Variants in MAP3K15 observed in about 807,000 individuals in gnomAD.
The protein encoded by MAP3K15 is MAPK/ERK kinase kinase 15.
A neutral mutation model predicts 99.5 loss-of-function variants in MAP3K15; 124 were observed. That is an observed-to-expected ratio of 1.25 (90% CI 1.08 to 1.45). The LOEUF (loss-of-function observed/expected upper bound fraction) is 1.45. Among genes scored for constraint, MAP3K15 ranks in the 40% most tolerant of loss-of-function variants. The pLI is 0.00. For missense variants in MAP3K15, 1,242 were observed against 1,079.7 expected (o/e 1.15, Z -2.11); for synonymous variants, 494 against 439.6 (o/e 1.12, Z -1.55).
chrX:19,485,704 T>C (rs1045661246), intron 3 of MAP3K15, among the ~76,000 whole-genome samples: 2 of 110,443 alleles, frequency 1.8e-5, no homozygotes, highest in African/African-American at 6.6e-5. Context: ...AGAGAGTCTG[T>C]AGGCCTGTTC....
In MAP3K15 at chrX:19,398,240, C is replaced by T. The variant is rs753527271; in HGVS notation, c.2052G>A (p.Pro684=). 7 of 1,211,149 alleles carry T rather than the reference C, an allele frequency of 5.8e-6. No homozygotes were observed. Among genetic ancestry groups the T allele is most frequent in the South Asian group, 3.5e-5 (2 of 56,925 alleles). ...CCTGGACTTGCCTGCTATCTCTCTC[C>T]GGGATTTCTTTGATGGCTATTCGCA... is the stretch of plus-strand genomic sequence containing the variant. The part of the protein sequence containing the change: ...NQVRIAIKEI[P]ERDSRYSQPL... The change falls in exon 15 of 29, where the codon CCG becomes CCA. Residue 684 remains proline (P), a synonymous_variant. Transcript: ENST00000338883.
chrX:19,392,202 A>C lies in MAP3K15; in HGVS notation c.2326-95T>G. 3 of 1,036,713 alleles carry C rather than the reference A, an allele frequency of 2.9e-6. No homozygotes were observed. In the South Asian group the frequency reaches 6.2e-5, roughly 22 times the overall value. The allele number at this position is 1,036,713 out of a possible 1,213,427, so 85.4% of individuals were successfully genotyped here. On this transcript the variant is annotated intron_variant, in intron 17 of 28. Transcript: ENST00000338883. ...CCTTGGGAAACCGTCACAAGTCTCT[A>C]GGAAAACTAGACTTTGCATTTTGGG...
intron 6 of MAP3K15, among the ~76,000 whole-genome samples, chrX:19,434,303 G>T (rs2063906271): frequency 9.2e-6 from 1 of 108,214 alleles, no homozygotes; most frequent in African/African-American, 3.4e-5. Context: ...TCAGCTCACT[G>T]CAACTCTGCC....
chrX:19,398,464 T>C, intron 14 of MAP3K15, 105 bp from the exon 15 acceptor site: 1 of 896,318 alleles, frequency 1.1e-6, no homozygotes, highest in South Asian at 2.4e-5. Context: ...ATAAATAACA[T>C]TATTTGACTG....
intron 28 of MAP3K15, 50 bp downstream of exon 28, chrX:19,361,289 C>T: frequency 9.9e-7 from 1 of 1,014,335 alleles, no homozygotes; most frequent in South Asian, 2.1e-5. Context: ...GAAGCATATT[C>T]ACACATAAAA....
At chrX:19,371,194 G>T in intron 23 of MAP3K15, 130 bp from the exon 24 acceptor site, 1 of 807,599 alleles carries the variant, frequency 1.2e-6, no homozygotes, top group Non-Finnish European at 1.8e-6. Flanking sequence ...AGTTCACCCA[G>T]ATGCCATTTC....
At chrX:19,384,024 A>G (rs776373049) in intron 18 of MAP3K15, among the ~76,000 whole-genome samples, 2 of 112,098 alleles carry the variant, frequency 1.8e-5, no homozygotes, top group Admixed American at 1.9e-4. Flanking sequence ...TATCAAAGAG[A>G]TATCTGCACC....
chrX:19,390,303 CTTTT>C (rs869140702), intron 18 of MAP3K15, among the ~76,000 whole-genome samples: 1,430 of 69,296 alleles, frequency 0.021, 33 homozygotes, highest in African/African-American at 0.094. Context: ...CTAATTTTTT[CTTTT>C]TTTTTTTTTT....
chrX:19,413,686 G>C (rs192292897), intron 10 of MAP3K15, among the ~76,000 whole-genome samples: 2 of 56,037 alleles, frequency 3.6e-5, no homozygotes, highest in Non-Finnish European at 6.0e-5. Flanking sequence ...TTGGGGGGGG[G>C]GGTGGGGAAG....
intron 25 of MAP3K15, among the ~76,000 whole-genome samples, chrX:19,366,009 A>AC (rs2063332159): frequency 1.1e-5 from 1 of 94,224 alleles, no homozygotes; most frequent in African/African-American, 5.1e-5. Context: ...TCCATCTCAA[A>AC]AAAAAAAAAA....
chrX:19,515,291 G>T lies in MAP3K15; in HGVS notation c.-30C>A. ...CCGCCTGCGCGCCCTTCCCCTGGGC[G>T]AGTGGCCAGCGGCTGCGATCCGCTA... On this transcript the variant is annotated 5_prime_UTR_variant, in exon 1 of 29. Coordinates refer to ENST00000338883, the MANE Select transcript of MAP3K15 (RefSeq NM_001001671.4). 1 of 859,699 alleles carries T rather than the reference G, an allele frequency of 1.2e-6. No individual in the cohort carries two copies. The highest frequency in any genetic ancestry group is 6.2e-5 in the South Asian group (1 of 16,165). The allele number at this position is 859,699 out of a possible 1,213,427, so 70.8% of individuals were successfully genotyped here.
chrX:19,373,692 C>T lies in MAP3K15; in HGVS notation c.2777G>A (p.Gly926Asp). 1 of 1,198,049 alleles carries T rather than the reference C, an allele frequency of 8.3e-7. No individual in the cohort carries two copies. The highest frequency in any genetic ancestry group is 1.1e-6 in the Non-Finnish European group (1 of 893,981). Reference sequence around the variant, plus strand: ...CAGGGCCAGGACGACACCGCGGGGACCTTCTGTAGGGGGACAGCCAGACAC... The same window carrying T: ...CAGGGCCAGGACGACACCGCGGGGATCTTCTGTAGGGGGACAGCCAGACAC... The part of the protein sequence containing the change: ...KNRIAFKPSE[G>D]PRGVVLALPT... Residue 926 changes from glycine to aspartate, a missense_variant, in exon 21 of 29, where the codon GGT becomes GAT. Gly to Asp is a moderately conservative substitution (Grantham distance 94). Coordinates refer to ENST00000338883, the MANE Select transcript of MAP3K15 (RefSeq NM_001001671.4).
rs139608993 is a variant in MAP3K15, at chrX:19,386,989, G to A, written c.2431+5013C>T. Among the ~76,000 whole-genome samples the A allele has an allele frequency of 2.9e-3, 323 of 111,674 alleles. 1 individual carries two copies. Among genetic ancestry groups the A allele is most frequent in the African/African-American group, 9.1e-3 (279 of 30,773 alleles). ...TCTTCCACAGGCCCTTGGAGATACCGTTAGAGCCTAAATTTCAAGATTTCA... is the reference window on the plus strand; with the variant it reads ...TCTTCCACAGGCCCTTGGAGATACCATTAGAGCCTAAATTTCAAGATTTCA... On this transcript the variant is annotated intron_variant, in intron 18 of 28. Coordinates refer to ENST00000338883, the MANE Select transcript of MAP3K15 (RefSeq NM_001001671.4).
At chrX:19,490,975 T>G in intron 1 of MAP3K15, among the ~76,000 whole-genome samples, 1 of 111,248 alleles carries the variant, frequency 9.0e-6, no homozygotes, top group Non-Finnish European at 1.9e-5. Flanking sequence ...AGGAATGTAG[T>G]GTCCAAACTC....
chrX:19,432,099 T>C (rs2063887814), intron 6 of MAP3K15, among the ~76,000 whole-genome samples: 1 of 110,589 alleles, frequency 9.0e-6, no homozygotes, highest in Non-Finnish European at 1.9e-5. Flanking sequence ...TCCACACCAG[T>C]AAACCTTATA....
intron 1 of MAP3K15, among the ~76,000 whole-genome samples, chrX:19,499,636 T>A (rs1008917594): frequency 2.7e-5 from 3 of 112,116 alleles, no homozygotes; most frequent in African/African-American, 9.7e-5. Context: ...TACATATAAC[T>A]GTATGGACGA....
chrX:19,386,868 C>G (rs1223043001), intron 18 of MAP3K15, among the ~76,000 whole-genome samples: 1 of 110,887 alleles, frequency 9.0e-6, no homozygotes, highest in Non-Finnish European at 1.9e-5. Context: ...GCTGCCTACC[C>G]TCTCCCAAGT....
intron 1 of MAP3K15, among the ~76,000 whole-genome samples, chrX:19,503,306 C>T (rs1360847658): frequency 4.5e-5 from 5 of 110,875 alleles, no homozygotes. Context: ...AACGTATGTG[C>T]TGTATCAGAG....
chrX:19,499,284 G>A (rs2064426468), intron 1 of MAP3K15, among the ~76,000 whole-genome samples: 1 of 112,000 alleles, frequency 8.9e-6, no homozygotes, highest in Non-Finnish European at 1.9e-5. Context: ...ATACAGTGTT[G>A]GTGACGATGT....
Sources: allele counts gnomAD v4.1 joint callset (sites outside exome capture counted in the v4.1 genomes callset), GRCh38; gene constraint gnomAD v4.1.1; transcripts MANE v1.5; gene names NCBI Gene and HGNC (gene_info 2026-07-23, HGNC 2026-07-21).